Variants in ZBTB40 observed in about 807,000 individuals in gnomAD.
ZBTB40 encodes the protein zinc finger and BTB domain containing 40.
A neutral mutation model predicts 117.5 loss-of-function variants in ZBTB40; 60 were observed. That is an observed-to-expected ratio of 0.51 (90% confidence interval 0.41 to 0.63). The LOEUF is 0.63. Ranked by LOEUF, ZBTB40 falls within the 30% of genes least tolerant of loss-of-function variation. The probability of loss-of-function intolerance (pLI) is 0.00; values close to 1 mark genes in which losing one functional copy is unlikely to be tolerated. For missense variants in ZBTB40, 1,287 were observed against 1,498.5 expected, an observed-to-expected ratio of 0.86 and a Z score of 2.33; for synonymous variants, 525 against 577.1, an observed-to-expected ratio of 0.91 and a Z score of 1.29.
intron 1 of ZBTB40, among the ~76,000 whole-genome samples, chr1:22,473,106 T>C (rs1339431009): frequency 6.6e-6 from 1 of 152,124 alleles, no homozygotes; most frequent in African/African-American, 2.4e-5. Flanking sequence ...TAATTAGATG[T>C]GATTTGAGAT....
intron 1 of ZBTB40, among the ~76,000 whole-genome samples, chr1:22,429,239 G>A (rs1230544439): frequency 9.9e-5 from 15 of 152,018 alleles, no homozygotes; most frequent in Non-Finnish European, 2.2e-4. Flanking sequence ...AAAATTAGCC[G>A]GGCGTGGTGG....
At chr1:22,492,150 G>A (rs1423689829) in intron 3 of ZBTB40, among the ~76,000 whole-genome samples, 2 of 152,154 alleles carry the variant, frequency 1.3e-5, no homozygotes, top group East Asian at 1.9e-4. Context: ...GTAATTTGGC[G>A]AAGGTCACAG....
At chr1:22,465,680 G>C (rs1386716032) in intron 1 of ZBTB40, among the ~76,000 whole-genome samples, 1 of 152,210 alleles carries the variant, frequency 6.6e-6, no homozygotes, top group East Asian at 1.9e-4. Flanking sequence ...AGTGGGGGCA[G>C]GTGCTTCTGA....
At chr1:22,512,863 T>C in intron 11 of ZBTB40, 61 bp from the exon 12 acceptor site, 4 of 1,584,410 alleles carry the variant, frequency 2.5e-6, no homozygotes, top group Non-Finnish European at 3.5e-6. Context: ...TATCCTGTGC[T>C]AGATTCCTAA....
chr1:22,478,297 G>C (rs958266034), intron 1 of ZBTB40, among the ~76,000 whole-genome samples: 1 of 152,020 alleles, frequency 6.6e-6, no homozygotes, highest in African/African-American at 2.4e-5. Context: ...GCTTAGGCTG[G>C]AGTGCAGTGG....
chr1:22,478,785 T>A (rs1169515713), intron 1 of ZBTB40, among the ~76,000 whole-genome samples: 1 of 152,238 alleles, frequency 6.6e-6, no homozygotes, highest in African/African-American at 2.4e-5. Context: ...TATTAAGTAA[T>A]TTTTAAATTG....
chr1:22,494,845 T>C (rs954943280), intron 3 of ZBTB40, among the ~76,000 whole-genome samples: 9 of 152,312 alleles, frequency 5.9e-5, no homozygotes, highest in South Asian at 4.2e-4. Context: ...GTGATTATTT[T>C]GGGGGAAGTA....
At chr1:22,498,621 A>G (rs984230028) in intron 3 of ZBTB40, among the ~76,000 whole-genome samples, 1 of 152,216 alleles carries the variant, frequency 6.6e-6, no homozygotes, top group African/African-American at 2.4e-5. Flanking sequence ...TTTTAATTTC[A>G]CTGCTGAGTA....
intron 1 of ZBTB40, among the ~76,000 whole-genome samples, chr1:22,463,484 CT>C: frequency 6.6e-6 from 1 of 152,298 alleles, no homozygotes; most frequent in South Asian, 2.1e-4. Flanking sequence ...AGCAAAGGGT[CT>C]TTTTGATACC....
chr1:22,502,230 C>T, intron 4 of ZBTB40, 69 bp from the exon 5 acceptor site: 1 of 1,552,120 alleles, frequency 6.4e-7, no homozygotes, highest in Non-Finnish European at 8.8e-7. Context: ...TCTCTCTTGA[C>T]AAACCATGCT....
Position 22,508,235 on chromosome 1 carries a change from A to G in ZBTB40, c.1497+98A>G. On this transcript the variant is annotated intron_variant, in intron 7 of 17. Coordinates refer to ENST00000375647, the MANE Select transcript of ZBTB40 (RefSeq NM_014870.4). ...ACATTTATATTTTCTGTAAATATAC[A>G]TATGTAGCCATGTTGAGAATTGCTA... is the stretch of plus-strand genomic sequence containing the variant. 2.9e-6 allele frequency: 4 copies of G among 1,396,128 alleles called. 1 individual carries two copies. The South Asian group carries it at 4.9e-5, about 17-fold the overall frequency. The allele number at this position is 1,396,128 out of a possible 1,614,324, so 86.5% of individuals were successfully genotyped here. A position where few individuals can be genotyped will look rare whatever the true frequency, so the allele number is the denominator to read the frequency against.
At chr1:22,505,060 A>G (rs1048621229) in intron 5 of ZBTB40, among the ~76,000 whole-genome samples, 6 of 152,228 alleles carry the variant, frequency 3.9e-5, no homozygotes, top group Admixed American at 3.9e-4. Flanking sequence ...CCTTTCATAT[A>G]TATAAAACCA....
chr1:22,488,018 G>A (rs1638522451), intron 1 of ZBTB40, among the ~76,000 whole-genome samples: 1 of 152,092 alleles, frequency 6.6e-6, no homozygotes. Flanking sequence ...TCCCTGCCAG[G>A]ATTGCCTTTT....
At chr1:22,464,613 G>A (rs1641208860) in intron 1 of ZBTB40, among the ~76,000 whole-genome samples, 1 of 152,140 alleles carries the variant, frequency 6.6e-6, no homozygotes, top group Admixed American at 6.5e-5. Flanking sequence ...GTTTATGCAT[G>A]TTTACTATAG....
intron 1 of ZBTB40, among the ~76,000 whole-genome samples, chr1:22,462,360 G>A (rs1043829661): frequency 6.6e-6 from 1 of 152,076 alleles, no homozygotes; most frequent in Non-Finnish European, 1.5e-5. Context: ...TTTGAAAGTG[G>A]GGTTAATAAT....
At chr1:22,460,138 C>T (rs1327558787) in intron 1 of ZBTB40, among the ~76,000 whole-genome samples, 1 of 152,160 alleles carries the variant, frequency 6.6e-6, no homozygotes, top group Non-Finnish European at 1.5e-5. Flanking sequence ...CTCTTTCTCA[C>T]TCTCACCTCT....
chr1:22,499,414 A>G (rs1638866276), intron 3 of ZBTB40, among the ~76,000 whole-genome samples: 1 of 152,240 alleles, frequency 6.6e-6, no homozygotes, highest in South Asian at 2.1e-4. Flanking sequence ...ACCCAGAGTC[A>G]GGTATTAGGG....
chr1:22,438,143 A>T (rs188784155), intron 1 of ZBTB40, among the ~76,000 whole-genome samples: 63 of 151,808 alleles, frequency 4.1e-4, no homozygotes, highest in Non-Finnish European at 8.5e-4. Context: ...AAAAAACAAA[A>T]CCCAAAAAAC....
chr1:22,433,939 G>T (rs1351383095), intron 1 of ZBTB40, among the ~76,000 whole-genome samples: 2 of 151,416 alleles, frequency 1.3e-5, no homozygotes, highest in Non-Finnish European at 2.9e-5. Flanking sequence ...GAATAACTTT[G>T]TATATACATT....
Sources: gnomAD v4.1 joint callset for allele counts (sites outside exome capture counted in the v4.1 genomes callset) on GRCh38, gnomAD v4.1.1 for gene constraint, MANE v1.5 for transcripts, NCBI Gene and HGNC (gene_info 2026-07-23, HGNC 2026-07-21) for gene names.